The following SNX9 variants were observed in gnomAD, a reference collection of about 807,000 sequenced individuals.
SNX9 encodes the protein sorting nexin 9, also known as sorting nexin-9.
In SNX9, 44 loss-of-function variants were observed where a neutral mutation model predicts 89.4. That is an observed-to-expected ratio of 0.49 (90% CI 0.39 to 0.63). The LOEUF is 0.63. Ranked by LOEUF, SNX9 falls within the 30% of genes least tolerant of loss-of-function variation. The pLI is 0.00. For synonymous variants in SNX9, 236 were observed against 247.8 expected, an observed-to-expected ratio of 0.95 and a Z score of 0.45; for missense variants, 578 against 736.1, an observed-to-expected ratio of 0.79 and a Z score of 2.49.
intron 10 of SNX9, among the ~76,000 whole-genome samples, chr6:157,923,933 ATTG>A (rs1175970627): frequency 6.6e-6 from 1 of 152,154 alleles, no homozygotes; most frequent in Non-Finnish European, 1.5e-5. Flanking sequence ...TGTTATTGAT[ATTG>A]TTATGTTTTT....
At chr6:157,868,710 A>T (rs1782323491) in intron 2 of SNX9, among the ~76,000 whole-genome samples, 1 of 152,268 alleles carries the variant, frequency 6.6e-6, no homozygotes. Flanking sequence ...TGAGATGAAC[A>T]TCATTTGAAA....
At chr6:157,890,126 T>C (rs529783589) in intron 4 of SNX9, among the ~76,000 whole-genome samples, 1 of 152,316 alleles carries the variant, frequency 6.6e-6, no homozygotes, top group African/African-American at 2.4e-5. Context: ...TCCAATAGCT[T>C]CCTAAAGGGA....
intron 1 of SNX9, among the ~76,000 whole-genome samples, chr6:157,843,198 TGAA>T (rs1382676868): frequency 6.6e-6 from 1 of 152,106 alleles, no homozygotes; most frequent in African/African-American, 2.4e-5. Context: ...GGACAAGGGT[TGAA>T]GAATTGACGA....
intron 5 of SNX9, among the ~76,000 whole-genome samples, chr6:157,898,630 G>C (rs1783029381): frequency 6.6e-6 from 1 of 152,222 alleles, no homozygotes; most frequent in South Asian, 2.1e-4. Context: ...TGAGGCAGAA[G>C]AGAAATGTGT....
chr6:157,909,584 G>T, intron 7 of SNX9, 81 bp from the exon 8 acceptor site: 1 of 1,539,778 alleles, frequency 6.5e-7, no homozygotes, highest in South Asian at 1.2e-5. Context: ...ATTCTGAAAA[G>T]AATTACTTGC....
At chr6:157,876,369 T>C (rs1782521652) in intron 4 of SNX9, among the ~76,000 whole-genome samples, 1 of 152,174 alleles carries the variant, frequency 6.6e-6, no homozygotes, top group Non-Finnish European at 1.5e-5. Context: ...GGAGAATGAC[T>C]TGAACTGGGA....
intron 1 of SNX9, among the ~76,000 whole-genome samples, chr6:157,841,308 G>A (rs980082650): frequency 9.2e-5 from 14 of 152,142 alleles, no homozygotes; most frequent in Non-Finnish European, 1.5e-4. Flanking sequence ...TCAAGATGAA[G>A]GGCATCCCCC....
intron 4 of SNX9, 93 bp from the exon 5 acceptor site, chr6:157,896,734 C>T (rs1020571999): frequency 1.3e-5 from 18 of 1,337,924 alleles, no homozygotes; most frequent in Admixed American, 2.1e-5. Flanking sequence ...TTTTAGTACT[C>T]CTGTTGTATT....
chr6:157,913,340 C>A (rs1783388878), intron 9 of SNX9, among the ~76,000 whole-genome samples: 2 of 151,996 alleles, frequency 1.3e-5, no homozygotes, highest in Non-Finnish European at 2.9e-5. Flanking sequence ...TGGAGACGGT[C>A]TCACTCTGCC....
In SNX9 at chr6:157,909,656, T is replaced by G; in HGVS notation, c.706-9T>G. 6.2e-7 allele frequency: 1 copy of G among 1,609,358 alleles called. No homozygotes were observed. The highest frequency in any genetic ancestry group is 8.5e-7 in the Non-Finnish European group (1 of 1,178,758). On this transcript the variant is annotated splice_polypyrimidine_tract_variant and intron_variant, in intron 7 of 17. Coordinates refer to ENST00000392185, the MANE Select transcript of SNX9 (RefSeq NM_016224.5). The stretch of plus-strand genomic sequence containing the variant: ...AACAAAATTACTTCTTTCTGGAACA[T>G]TGGCATAGGTTGGAGATTATGGCCC...
chr6:157,867,463 T>G, intron 1 of SNX9, 84 bp from the exon 2 acceptor site: 1 of 1,090,544 alleles, frequency 9.2e-7, no homozygotes, highest in Non-Finnish European at 1.4e-6. Context: ...ACCAGCATGC[T>G]TAGAAAGTGA....
At chr6:157,897,814 C>G (rs933239767) in intron 5 of SNX9, among the ~76,000 whole-genome samples, 3 of 152,194 alleles carry the variant, frequency 2.0e-5, no homozygotes, top group Non-Finnish European at 4.4e-5. Flanking sequence ...CCATGCCTGG[C>G]CGGCATGATT....
chr6:157,877,290 C>G (rs913361764), intron 4 of SNX9, among the ~76,000 whole-genome samples: 2 of 149,810 alleles, frequency 1.3e-5, no homozygotes, highest in Non-Finnish European at 3.0e-5. Flanking sequence ...GCGGGGGGGG[C>G]ATCTAGTCTA....
At chr6:157,853,477 G>T (rs1347532283) in intron 1 of SNX9, among the ~76,000 whole-genome samples, 1 of 152,040 alleles carries the variant, frequency 6.6e-6, no homozygotes, top group African/African-American at 2.4e-5. Flanking sequence ...GGATCTGTAG[G>T]TTATAGTTTT....
chr6:157,865,474 C>T (rs1340811022), intron 1 of SNX9, among the ~76,000 whole-genome samples: 3 of 152,056 alleles, frequency 2.0e-5, no homozygotes, highest in Non-Finnish European at 1.5e-5. Context: ...TCCTGCTGGC[C>T]TGGGCGCCCT....
At chr6:157,935,107 CATT>C (rs745924147) in intron 13 of SNX9, among the ~76,000 whole-genome samples, 2 of 152,158 alleles carry the variant, frequency 1.3e-5, no homozygotes, top group Non-Finnish European at 2.9e-5. Flanking sequence ...TGGATTAACT[CATT>C]ATTTTGAAAA....
intron 3 of SNX9, among the ~76,000 whole-genome samples, chr6:157,873,564 ATATATT>A (rs966648688): frequency 4.1e-5 from 6 of 146,448 alleles, no homozygotes; most frequent in Non-Finnish European, 7.5e-5. Context: ...CATTTTAAAT[ATATATT>A]TATATTTTTA....
At chr6:157,898,111 C>A (rs1179206388) in intron 5 of SNX9, among the ~76,000 whole-genome samples, 1 of 152,196 alleles carries the variant, frequency 6.6e-6, no homozygotes, top group African/African-American at 2.4e-5. Flanking sequence ...GTGCCGGGAA[C>A]TAGGGACGCA....
intron 2 of SNX9, among the ~76,000 whole-genome samples, chr6:157,868,886 G>GCATGCCTGTC (rs1214335888): frequency 6.6e-6 from 1 of 152,194 alleles, no homozygotes. Context: ...ACTGCCCTGT[G>GCATGCCTGTC]CATGCCTGTC....
Sources: gnomAD v4.1 joint callset for allele counts (sites outside exome capture counted in the v4.1 genomes callset) on GRCh38, gnomAD v4.1.1 for gene constraint, MANE v1.5 for transcripts, NCBI Gene and HGNC (gene_info 2026-07-23, HGNC 2026-07-21) for gene names.